Variants in GRIN3A observed in about 807,000 individuals in gnomAD.
The protein encoded by GRIN3A is glutamate receptor ionotropic, NMDA 3A.
GRIN3A carries 47 observed loss-of-function variants against 92.4 expected under a neutral mutation model. The observed-to-expected ratio is 0.51, with a 90% CI of 0.40 to 0.65. GRIN3A has a LOEUF of 0.65. GRIN3A is among the 30% of genes least tolerant of loss of function. GRIN3A has a pLI of 0.00. For synonymous variants in GRIN3A, 527 were observed against 540.6 expected, an observed-to-expected ratio of 0.97 and a Z score of 0.35; for missense variants, 1,324 against 1,393.1, an observed-to-expected ratio of 0.95 and a Z score of 0.79.
At chr9:101,729,318 G>C (rs1485040525) in intron 1 of GRIN3A, among the ~76,000 whole-genome samples, 1 of 152,166 alleles carries the variant, frequency 6.6e-6, no homozygotes, top group Non-Finnish European at 1.5e-5. Context: ...CTTGTGACTA[G>C]AGGTCATAGT....
chr9:101,617,184 G>A (rs905598480), intron 5 of GRIN3A, among the ~76,000 whole-genome samples: 2 of 141,068 alleles, frequency 1.4e-5, no homozygotes, highest in Non-Finnish European at 3.0e-5. Context: ...TCCGGCATGG[G>A]CGACAGAGCG....
chr9:101,676,637 C>T (rs1418962392), intron 2 of GRIN3A, among the ~76,000 whole-genome samples: 1 of 151,856 alleles, frequency 6.6e-6, no homozygotes. Context: ...TTACTAGTAA[C>T]ATTCTCTCAA....
chr9:101,604,334 G>T (rs989734241), intron 6 of GRIN3A, among the ~76,000 whole-genome samples: 3 of 152,196 alleles, frequency 2.0e-5, no homozygotes. Context: ...TGAAGATGAG[G>T]TCTTTCTCAG....
At chr9:101,581,914 C>T (rs1363895261) in intron 6 of GRIN3A, among the ~76,000 whole-genome samples, 1 of 152,106 alleles carries the variant, frequency 6.6e-6, no homozygotes. Flanking sequence ...AGCAACTTGC[C>T]TTATCTTTAT....
chr9:101,626,479 G>C (rs376487001), intron 4 of GRIN3A, among the ~76,000 whole-genome samples: 1 of 152,132 alleles, frequency 6.6e-6, no homozygotes, highest in African/African-American at 2.4e-5. Context: ...GTGGTTGCGG[G>C]AAGTGGTGGC....
chr9:101,694,172 C>T (rs1829653069), intron 1 of GRIN3A, among the ~76,000 whole-genome samples: 1 of 152,154 alleles, frequency 6.6e-6, no homozygotes, highest in Non-Finnish European at 1.5e-5. Flanking sequence ...ACAGGGCCCA[C>T]TTCTTAAAAT....
At chr9:101,702,039 C>T (rs950203532) in intron 1 of GRIN3A, among the ~76,000 whole-genome samples, 2 of 152,098 alleles carry the variant, frequency 1.3e-5, no homozygotes, top group Admixed American at 6.5e-5. Flanking sequence ...TGGTGGCTAA[C>T]GCCTGTAATC....
At chr9:101,698,674 TTATG>T (rs1411902721) in intron 1 of GRIN3A, among the ~76,000 whole-genome samples, 3 of 152,158 alleles carry the variant, frequency 2.0e-5, no homozygotes, top group Admixed American at 6.5e-5. Flanking sequence ...GTTTATTTAT[TTATG>T]TATTTTTGAG....
intron 6 of GRIN3A, among the ~76,000 whole-genome samples, chr9:101,601,557 A>G (rs915850038): frequency 1.3e-5 from 2 of 152,190 alleles, no homozygotes; most frequent in Admixed American, 6.5e-5. Flanking sequence ...GGCTTAAACA[A>G]CAGACATTTA....
chr9:101,616,253 C>A (rs2118853814), intron 5 of GRIN3A, among the ~76,000 whole-genome samples: 1 of 152,268 alleles, frequency 6.6e-6, no homozygotes, highest in East Asian at 1.9e-4. Flanking sequence ...AGTGTTTGTG[C>A]AGTTGAATTG....
intron 1 of GRIN3A, among the ~76,000 whole-genome samples, chr9:101,695,626 TA>T (rs1829675751): frequency 6.6e-6 from 1 of 152,148 alleles, no homozygotes; most frequent in African/African-American, 2.4e-5. Flanking sequence ...ACCTGACAAT[TA>T]AGGAAGCTTC....
intron 2 of GRIN3A, 66 bp from the exon 3 acceptor site, chr9:101,671,173 C>A: frequency 4.7e-6 from 5 of 1,066,068 alleles, no homozygotes; most frequent in African/African-American, 1.5e-5. Flanking sequence ...AAGCAGTGTT[C>A]AGCTTTGCTT....
In GRIN3A at chr9:101,579,228, A is replaced by T. The variant is rs1827861130; in HGVS notation, c.2899T>A (p.Ser967Thr). Residue 967 changes from serine to threonine, a missense_variant, in exon 7 of 9, where the codon TCC becomes ACC. Transcript: ENST00000361820. ...GTGTGGAGCCAGTATTGCAGCTTGG[A>T]TTTGTTTTTGATTCGTGGTAGCAGC... ...RLLLPRIKNK[S>T]KLQYWLHTSQ... 5 of 1,613,772 alleles carry T rather than the reference A, an allele frequency of 3.1e-6. No individual in the cohort carries two copies. The highest frequency in any genetic ancestry group is 1.3e-5 in the African/African-American group (1 of 74,868).
At chr9:101,613,075 A>G (rs1828388925) in intron 6 of GRIN3A, among the ~76,000 whole-genome samples, 1 of 152,230 alleles carries the variant, frequency 6.6e-6, no homozygotes. Flanking sequence ...CTCAGATACT[A>G]TTGCTGTAAT....
At chr9:101,618,075 C>T (rs1184460022) in intron 5 of GRIN3A, among the ~76,000 whole-genome samples, 1 of 151,732 alleles carries the variant, frequency 6.6e-6, no homozygotes, top group Non-Finnish European at 1.5e-5. Flanking sequence ...GACCTAAAAC[C>T]ATAAAAACCC....
chr9:101,733,310 A>G (rs1830162904), intron 1 of GRIN3A, among the ~76,000 whole-genome samples: 1 of 152,244 alleles, frequency 6.6e-6, no homozygotes, highest in Non-Finnish European at 1.5e-5. Context: ...TGCTCTACTT[A>G]TCTAGAAAAG....
chr9:101,605,196 A>G (rs1828263055), intron 6 of GRIN3A, among the ~76,000 whole-genome samples: 1 of 152,238 alleles, frequency 6.6e-6, no homozygotes, highest in Non-Finnish European at 1.5e-5. Flanking sequence ...AGGCAAAGAA[A>G]CAAGTTTACA....
intron 1 of GRIN3A, among the ~76,000 whole-genome samples, chr9:101,691,183 C>G (rs1209831248): frequency 1.3e-5 from 2 of 152,106 alleles, no homozygotes; most frequent in South Asian, 4.1e-4. Flanking sequence ...GAAATAGAAG[C>G]CTTTACTGAA....
chr9:101,665,077 CT>C (rs1299911350), intron 3 of GRIN3A, among the ~76,000 whole-genome samples: 1 of 151,614 alleles, frequency 6.6e-6, no homozygotes, highest in African/African-American at 2.4e-5. Context: ...AAATTTTGAG[CT>C]AGAAATATAA....
Sources: gnomAD v4.1 joint callset for allele counts (sites outside exome capture counted in the v4.1 genomes callset) on GRCh38, gnomAD v4.1.1 for gene constraint, MANE v1.5 for transcripts, NCBI Gene and HGNC (gene_info 2026-07-23, HGNC 2026-07-21) for gene names.